Variants in MDN1 observed in about 807,000 individuals in gnomAD.
MDN1 encodes the protein midasin.
In MDN1, 266 loss-of-function variants were observed where a neutral mutation model predicts 669.2. The ratio of observed to expected loss-of-function variants is 0.40; its 90% confidence interval spans 0.36 to 0.44. The LOEUF is 0.44. Ranked by LOEUF, MDN1 falls within the 20% of genes least tolerant of loss-of-function variation. The probability of loss-of-function intolerance (pLI) is 1.00; values close to 1 mark genes in which losing one functional copy is unlikely to be tolerated. For missense variants in MDN1, 5,940 were observed against 6,754.0 expected (o/e 0.88, Z 4.22); for synonymous variants, 2,385 against 2,457.1 (o/e 0.97, Z 0.87).
intron 9 of MDN1, among the ~76,000 whole-genome samples, chr6:89,781,860 C>T (rs1024294968): frequency 1.3e-5 from 2 of 152,130 alleles, no homozygotes; most frequent in South Asian, 4.1e-4. Flanking sequence ...TGCCGTGTGC[C>T]TGTAGTCCCA....
chr6:89,731,754 T>C (rs1327482472), intron 34 of MDN1, among the ~76,000 whole-genome samples: 1 of 152,004 alleles, frequency 6.6e-6, no homozygotes, highest in African/African-American at 2.4e-5. Flanking sequence ...TCGGTTTCTC[T>C]TCAAATAATC....
intron 15 of MDN1, 73 bp from the exon 16 acceptor site, chr6:89,762,603 A>G: frequency 9.2e-7 from 1 of 1,092,528 alleles, no homozygotes. Context: ...TGGCTCAGAA[A>G]ACAGGAGTAG....
chr6:89,813,924 TAAAAAAA>T (rs61034558), intron 1 of MDN1, among the ~76,000 whole-genome samples: 1 of 135,524 alleles, frequency 7.4e-6, no homozygotes, highest in Admixed American at 7.6e-5. Flanking sequence ...ACCTAAGATT[TAAAAAAA>T]AAAAAAAAAA....
At chr6:89,752,625 C>T (rs965487824) in intron 22 of MDN1, among the ~76,000 whole-genome samples, 1 of 152,176 alleles carries the variant, frequency 6.6e-6, no homozygotes, top group Non-Finnish European at 1.5e-5. Flanking sequence ...AGTGCCCCCA[C>T]TACTGCCTCC....
At chr6:89,672,796 T>C in intron 80 of MDN1, 94 bp from the exon 81 acceptor site, 1 of 1,346,252 alleles carries the variant, frequency 7.4e-7, no homozygotes, top group Admixed American at 2.3e-5. Flanking sequence ...TACTCATTTA[T>C]TGATGAGCCA....
At chr6:89,697,122 C>G (rs1812811276) in intron 59 of MDN1, among the ~76,000 whole-genome samples, 1 of 151,932 alleles carries the variant, frequency 6.6e-6, no homozygotes, top group Non-Finnish European at 1.5e-5. Context: ...TTTGATAGTG[C>G]AAAAGAATGG....
intron 2 of MDN1, among the ~76,000 whole-genome samples, chr6:89,798,198 A>G (rs1584388659): frequency 2.7e-5 from 4 of 150,662 alleles, no homozygotes; most frequent in South Asian, 2.1e-4. Flanking sequence ...AAAAAAAAAA[A>G]AAAAGAAAGA....
chr6:89,671,175 T>A, intron 82 of MDN1, 95 bp from the exon 83 acceptor site: 1 of 1,357,094 alleles, frequency 7.4e-7, no homozygotes, highest in Non-Finnish European at 1.0e-6. Context: ...TTGCACAACA[T>A]TGTGAATGTA....
At chr6:89,686,077 A>T in intron 69 of MDN1, 104 bp from the exon 70 acceptor site, 1 of 1,102,502 alleles carries the variant, frequency 9.1e-7, no homozygotes, top group Non-Finnish European at 1.3e-6. Flanking sequence ...GCCAAGAGGT[A>T]GACATCACAA....
Position 89,787,850 on chromosome 6 carries a change from A to T in MDN1, c.1334+4T>A, listed in dbSNP as rs568241176. On this transcript the variant is annotated splice_donor_region_variant and intron_variant, in intron 8 of 101. Transcript: ENST00000369393. ...GTGAAAACAGAAAGGTTACTAGTAC[A>T]TACCTCCTGGTTGCAAAAAACTGAA... is the stretch of plus-strand genomic sequence containing the variant. 2 of 1,609,210 alleles carry T rather than the reference A, an allele frequency of 1.2e-6. No homozygotes were observed. The highest frequency in any genetic ancestry group is 1.7e-6 in the Non-Finnish European group (2 of 1,177,198).
intron 39 of MDN1, 129 bp downstream of exon 39, chr6:89,723,383 A>C (rs1814972545): frequency 2.9e-6 from 2 of 697,372 alleles, no homozygotes; most frequent in Admixed American, 3.3e-5. Context: ...CTTCCACTAG[A>C]AACCTGTAGA....
rs1201099430 is a variant in MDN1 at position 89,692,968 on chromosome 6, G to A, written c.10062C>T (p.Leu3354=). 5.6e-6 allele frequency: 9 copies of A among 1,614,184 alleles called. No individual in the cohort carries two copies. The highest frequency in any genetic ancestry group is 7.6e-6 in the Non-Finnish European group (9 of 1,180,020). ...GGGCAGACCGTGGCCCATCTATGTG[G>A]AGGGCCTGCAGAAGCCGTGTGAGCA... ...QDLLTRLLQA[L]HIDGPRSAQV... is the part of the protein sequence containing the mutation. The change falls in exon 63 of 102, where the codon CTC becomes CTT. Residue 3354 remains leucine (L), a synonymous_variant. Coordinates refer to ENST00000369393, the MANE Select transcript of MDN1 (RefSeq NM_014611.3).
intron 15 of MDN1, among the ~76,000 whole-genome samples, chr6:89,764,917 G>A (rs970233869): frequency 6.6e-6 from 1 of 152,286 alleles, no homozygotes; most frequent in South Asian, 2.1e-4. Context: ...GAGGAAGAGA[G>A]TGAGACCAGA....
At chr6:89,708,722 G>C in intron 50 of MDN1, 94 bp from the exon 51 acceptor site, 1 of 1,366,200 alleles carries the variant, frequency 7.3e-7, no homozygotes, top group Non-Finnish European at 1.0e-6. Context: ...GTTTTACTTT[G>C]AGCACATTGA....
At position 89,702,011 on chromosome 6, in the gene MDN1, T is replaced by C. The variant is rs115891498; in HGVS notation, c.8199A>G (p.Thr2733=). Residue 2733 remains threonine (T), a synonymous_variant, in exon 54 of 102, where the codon ACA becomes ACG. Coordinates refer to ENST00000369393, the MANE Select transcript of MDN1 (RefSeq NM_014611.3). ...CCAGACCTGGGGCATCTACTTTTAC[T>C]GTGTCGGCCACAGTCCAGAACCGGT... The part of the protein sequence containing the change: ...WRDRFWTVAD[T]VKVDAPGLAL... The C allele has an allele frequency of 5.9e-5, 95 of 1,613,862 alleles. No individual in the cohort carries two copies. In the African/African-American group the frequency reaches 1.1e-3, roughly 19 times the overall value.
rs1348733647 is a variant in MDN1 at position 89,723,593 on chromosome 6, A to G, written c.5697T>C (p.Ile1899=). The change falls in exon 39 of 102, where the codon ATT becomes ATC. Residue 1899 remains isoleucine (I), a synonymous_variant. Coordinates refer to ENST00000369393, the MANE Select transcript of MDN1 (RefSeq NM_014611.3). ...TQVFVDPLTV[I]DMEFIASTLF... The stretch of plus-strand genomic sequence containing the variant: ...AAGTACTGGCAATGAACTCCATGTC[A>G]ATTACTGTAAGGGGATCAACGAAGA... The G allele has an allele frequency of 1.9e-6, 3 of 1,595,804 alleles. No individual in the cohort carries two copies. The African/African-American group carries it at 4.0e-5, about 22-fold the overall frequency.
chr6:89,814,658 A>T (rs1481293459), intron 1 of MDN1: 1 of 241,452 alleles, frequency 4.1e-6, no homozygotes, highest in Non-Finnish European at 8.4e-6. Flanking sequence ...TGGGCAGAGT[A>T]GACTCTTGGC....
chr6:89,683,913 T>G lies in MDN1; in HGVS notation c.11830-9A>C. ...GAAATCTTAACAAATTCCTGTAAGA[T>G]AAATGATGTTCAAGAAATGGCTTTA... On this transcript the variant is annotated splice_polypyrimidine_tract_variant and intron_variant, in intron 71 of 101. Transcript: ENST00000369393. 6.2e-7 allele frequency: 1 copy of G among 1,603,696 alleles called. No homozygotes were observed. Among genetic ancestry groups the G allele is most frequent in the Non-Finnish European group, 8.5e-7 (1 of 1,171,266 alleles).
intron 99 of MDN1, 45 bp downstream of exon 99, chr6:89,647,987 G>T: frequency 6.9e-7 from 1 of 1,442,480 alleles, no homozygotes; most frequent in Non-Finnish European, 9.8e-7. Context: ...ACCTACACCA[G>T]TTTAAAAATA....
Sources: allele counts gnomAD v4.1 joint callset (sites outside exome capture counted in the v4.1 genomes callset), GRCh38; gene constraint gnomAD v4.1.1; transcripts MANE v1.5; gene names NCBI Gene and HGNC (gene_info 2026-07-23, HGNC 2026-07-21).